POLE3: variants seen among roughly 807,000 people sequenced by gnomAD.
POLE3 encodes DNA polymerase epsilon 3, accessory subunit.
Under a neutral mutation model 16.1 loss-of-function variants are expected in POLE3, and 10 were observed. The ratio of observed to expected loss-of-function variants is 0.62; its 90% CI spans 0.38 to 1.05. The LOEUF is 1.05. POLE3 is among the 50% of genes least tolerant of loss of function. The pLI, the probability that POLE3 is intolerant of heterozygous loss-of-function variation, is 0.01. For missense variants in POLE3, 169 were observed against 185.0 expected (o/e 0.91, Z 0.50); for synonymous variants, 83 against 71.0 (o/e 1.17, Z -0.85).
intron 4 of POLE3, among the ~76,000 whole-genome samples, chr9:113,409,373 A>C (rs111463519): frequency 9.4e-4 from 142 of 150,302 alleles, no homozygotes; most frequent in East Asian, 3.9e-3. Flanking sequence ...AAAAAAAAAA[A>C]AAAAACAAAA....
In POLE3 at chr9:113,409,714, G is replaced by A; in HGVS notation, c.167C>T (p.Ala56Val). The A allele has an allele frequency of 4.3e-6, 7 of 1,609,516 alleles. No individual in the cohort carries two copies. Among genetic ancestry groups the A allele is most frequent in the Non-Finnish European group, 6.0e-6 (7 of 1,175,952 alleles). Residue 56 changes from alanine (A) to valine (V), a missense_variant, in exon 4 of 5, where the codon GCA becomes GTA. By Grantham distance (64) the Ala-to-Val change is moderately conservative (BLOSUM62 0). Transcript: ENST00000374171. ...CAGCGTCTTCCGCTTTCCTTTCATTGCAAAGTTGTTAGCACTGAGAGAAGA... is the reference window on the plus strand; with the variant it reads ...CAGCGTCTTCCGCTTTCCTTTCATTACAAAGTTGTTAGCACTGAGAGAAGA... ...LYATSCANNF[A>V]MKGKRKTLNA...
intron 1 of POLE3, 45 bp downstream of exon 1, chr9:113,410,572 C>A: frequency 3.7e-6 from 2 of 536,566 alleles, no homozygotes; most frequent in Non-Finnish European, 6.7e-6. Flanking sequence ...CTCCCCAGGT[C>A]CATTTCTCTG....
intron 3 of POLE3, 63 bp downstream of exon 3, chr9:113,409,992 C>T: frequency 1.5e-6 from 2 of 1,366,842 alleles, no homozygotes; most frequent in Non-Finnish European, 2.0e-6. Flanking sequence ...GGTTTGTAGG[C>T]TCCCAGCCAG....
rs1229759991 is a variant in POLE3, at chr9:113,407,773, G to T, written c.*1038C>A. The T allele has an allele frequency of 6.6e-6, 1 of 152,608 alleles. No individual in the cohort carries two copies. Among genetic ancestry groups the T allele is most frequent in the Non-Finnish European group, 1.5e-5 (1 of 68,052 alleles). The allele number at this position is 152,608 out of a possible 1,614,324, so 9.5% of individuals were successfully genotyped here. A position where few individuals can be genotyped will look rare whatever the true frequency, so the allele number is the denominator to read the frequency against. On this transcript the variant is annotated 3_prime_UTR_variant, in exon 5 of 5. Coordinates refer to ENST00000374171, the MANE Select transcript of POLE3 (RefSeq NM_017443.5). ...AGAGATCAGAGGAACTCACACTTTG[G>T]AGTATTAAGCAGGTTATCAAAGCTT... is the stretch of plus-strand genomic sequence containing the variant.
chr9:113,410,334 A>G lies in POLE3; in HGVS notation c.-41T>C. 1.3e-6 allele frequency: 2 copies of G among 1,586,384 alleles called. No individual in the cohort carries two copies. Among genetic ancestry groups the G allele is most frequent in the Non-Finnish European group, 1.7e-6 (2 of 1,160,988 alleles). ...TTAAACTCCCCTTCGCCTCCGCTTC[A>G]GGGAGCTACTGCGTCCGGACTTCCC... On this transcript the variant is annotated 5_prime_UTR_variant, in exon 2 of 5. Coordinates refer to ENST00000374171, the MANE Select transcript of POLE3 (RefSeq NM_017443.5).
rs944657678 is a variant in POLE3 at position 113,409,783 on chromosome 9, A to G, written c.153-55T>C. On this transcript the variant is annotated intron_variant, in intron 3 of 4. Coordinates refer to ENST00000374171, the MANE Select transcript of POLE3 (RefSeq NM_017443.5). ...CTCTTGTTTGTAAGGCGTGAGTGGGAAAAGGAGCACCCAGAGGTGGAACGG... is the reference window on the plus strand; with the variant it reads ...CTCTTGTTTGTAAGGCGTGAGTGGGGAAAGGAGCACCCAGAGGTGGAACGG... The G allele has an allele frequency of 3.3e-5, 39 of 1,183,140 alleles. No individual in the cohort carries two copies. In the Admixed American group the frequency reaches 6.4e-4, roughly 20 times the overall value. The allele number at this position is 1,183,140 out of a possible 1,614,324, so 73.3% of individuals were successfully genotyped here.
At chr9:113,409,963 G>A (rs773502015) in intron 3 of POLE3, 92 bp downstream of exon 3, 2 of 1,039,424 alleles carry the variant, frequency 1.9e-6, no homozygotes, top group African/African-American at 1.6e-5. Context: ...TCCCCACCGA[G>A]GGAGAACACA....
intron 4 of POLE3, among the ~76,000 whole-genome samples, chr9:113,409,359 CAAAAAAAAA>C (rs35481754): frequency 1.1e-5 from 1 of 89,504 alleles, no homozygotes; most frequent in Admixed American, 1.3e-4. Flanking sequence ...GACTCCGTCT[CAAAAAAAAA>C]AAAAAAAAAA....
chr9:113,410,219 G>A lies in POLE3; in HGVS notation c.66+9C>T, dbSNP rs376377693. The A allele has an allele frequency of 6.8e-4, 1,092 of 1,613,412 alleles. 11 individuals carry two copies. The South Asian group carries it at 8.9e-3, about 13-fold the overall frequency. ...CTGCCCGTTCGTCCGCCCCCCCCGAGCTGCTCACCGCCTCCTTGATGATCC... is the reference window on the plus strand; with the variant it reads ...CTGCCCGTTCGTCCGCCCCCCCCGAACTGCTCACCGCCTCCTTGATGATCC... On this transcript the variant is annotated intron_variant, in intron 2 of 4. Transcript: ENST00000374171.
At chr9:113,410,581 T>C (rs1828087605) in intron 1 of POLE3, 36 bp downstream of exon 1, 6 of 511,794 alleles carry the variant, frequency 1.2e-5, no homozygotes, top group Admixed American at 9.8e-5. Flanking sequence ...TCCATTTCTC[T>C]GCTTCTCGCC....
In POLE3 at chr9:113,410,598, G is replaced by A. The variant is rs993300801; in HGVS notation, c.-116+19C>T. ...CATTTCTCTGCTTCTCGCCATCGCCGCGTCGGGAACCTTCTCACCAACTTA... is the reference window on the plus strand; with the variant it reads ...CATTTCTCTGCTTCTCGCCATCGCCACGTCGGGAACCTTCTCACCAACTTA... On this transcript the variant is annotated intron_variant, in intron 1 of 4. Coordinates refer to ENST00000374171, the MANE Select transcript of POLE3 (RefSeq NM_017443.5). The A allele has an allele frequency of 1.4e-5, 7 of 486,806 alleles. No homozygotes were observed. Among genetic ancestry groups the A allele is most frequent in the Non-Finnish European group, 2.6e-5 (7 of 267,826 alleles). The allele number at this position is 486,806 out of a possible 1,614,324, so 30.2% of individuals were successfully genotyped here.
rs541727542 is a variant in POLE3 at position 113,410,047 on chromosome 9, C to T, written c.152+8G>A. 1.9e-6 allele frequency: 3 copies of T among 1,554,022 alleles called. No homozygotes were observed. The highest frequency in any genetic ancestry group is 2.7e-5 in the African/African-American group (2 of 73,784). On this transcript the variant is annotated splice_region_variant and intron_variant, in intron 3 of 4. Coordinates refer to ENST00000374171, the MANE Select transcript of POLE3 (RefSeq NM_017443.5). ...CCCGCGCCTCCCTTATGCCTCTGTC[C>T]CGCTCACCAGGATGTGGCGTACAGC...
At position 113,408,924 on chromosome 9, in the gene POLE3, C is replaced by G; in HGVS notation, c.331G>C (p.Asp111His). Reference protein sequence around the residue: ...EASEQKKKDKDKKTDSEEQDK... With the variant: ...EASEQKKKDKHKKTDSEEQDK... The stretch of plus-strand genomic sequence containing the variant: ...TGCTCTTCCGAGTCTGTTTTTTTGT[C>G]TTTGTCCTTCTTCTTTTGCTCTGAG... The change falls in exon 5 of 5, where the codon GAC becomes CAC. Residue 111 changes from aspartate to histidine, a missense_variant. Transcript: ENST00000374171. The G allele has an allele frequency of 6.2e-7, 1 of 1,613,378 alleles. No individual in the cohort carries two copies. The highest frequency in any genetic ancestry group is 8.5e-7 in the Non-Finnish European group (1 of 1,179,696).
In POLE3 at chr9:113,408,816, T is replaced by A; in HGVS notation, c.439A>T (p.Asn147Tyr). 4 of 1,613,146 alleles carry A rather than the reference T, an allele frequency of 2.5e-6. No homozygotes were observed. Among genetic ancestry groups the A allele is most frequent in the Non-Finnish European group, 3.4e-6 (4 of 1,179,356 alleles). The change falls in exon 5 of 5, where the codon AAC becomes TAC. Residue 147 changes from asparagine to tyrosine, a missense_variant. Transcript: ENST00000374171. ...GCCACAGTCTCCCGCCCTTTTCAGTTGTCTACTTCTTCCTCTTCATTCTGT... is the reference window on the plus strand; with the variant it reads ...GCCACAGTCTCCCGCCCTTTTCAGTAGTCTACTTCTTCCTCTTCATTCTGT... ...EEQNEEEEVDN is the reference protein window; with the variant it reads ...EEQNEEEEVDY
At position 113,410,510 on chromosome 9, in the gene POLE3, T is replaced by C. The variant is rs2119039964; in HGVS notation, c.-115-102A>G. On this transcript the variant is annotated intron_variant, in intron 1 of 4. Coordinates refer to ENST00000374171, the MANE Select transcript of POLE3 (RefSeq NM_017443.5). Reference sequence around the variant, plus strand: ...GCGCATCCGGATTTTGAAGCCGCAGTGGTTTTGGCCCGCCAAGGCTTCCAT... The same window carrying C: ...GCGCATCCGGATTTTGAAGCCGCAGCGGTTTTGGCCCGCCAAGGCTTCCAT... 5.0e-6 allele frequency: 3 copies of C among 603,328 alleles called. No individual in the cohort carries two copies. The South Asian group carries it at 5.9e-5, about 12-fold the overall frequency. 37.4% of individuals were successfully genotyped at this position (603,328 alleles called of 1,614,324 possible).
chr9:113,410,517 G>A (rs543087529), intron 1 of POLE3, 100 bp downstream of exon 1: 3 of 597,784 alleles, frequency 5.0e-6, no homozygotes, highest in Admixed American at 2.9e-5. Context: ...CAGTGGTTTT[G>A]GCCCGCCAAG....
Position 113,410,398 on chromosome 9 carries a change from C to T in POLE3, c.-105G>A. The T allele has an allele frequency of 1.9e-6, 2 of 1,038,054 alleles. No homozygotes were observed. Among genetic ancestry groups the T allele is most frequent in the Admixed American group, 2.0e-5 (1 of 50,394 alleles). 64.3% of individuals were successfully genotyped at this position (1,038,054 alleles called of 1,614,324 possible). On this transcript the variant is annotated 5_prime_UTR_variant, in exon 2 of 5. Coordinates refer to ENST00000374171, the MANE Select transcript of POLE3 (RefSeq NM_017443.5). ...CTGACCCTGCGAGGTTTCCGTTCCG[C>T]CCCACGTGGCCTACAGTGTCCCACA...
In POLE3 at chr9:113,408,753, A is replaced by C; in HGVS notation, c.*58T>G. 1 of 1,398,600 alleles carries C rather than the reference A, an allele frequency of 7.2e-7. No individual in the cohort carries two copies. The highest frequency in any genetic ancestry group is 1.0e-6 in the Non-Finnish European group (1 of 994,374). The allele number at this position is 1,398,600 out of a possible 1,614,324, so 86.6% of individuals were successfully genotyped here. On this transcript the variant is annotated 3_prime_UTR_variant, in exon 5 of 5. Transcript: ENST00000374171. ...CAGCATGGAAAAGCTTCACAGAAAC[A>C]CGTAGCACGTCTCATTTCAAGTGGT...
rs776313444 is a variant in POLE3 at position 113,408,921 on chromosome 9, T to C, written c.334A>G (p.Lys112Glu). Residue 112 changes from lysine (K) to glutamate (E), a missense_variant, in exon 5 of 5, where the codon AAA becomes GAA. By Grantham distance (56) the Lys-to-Glu change is moderately conservative. Transcript: ENST00000374171. ...ASEQKKKDKD[K>E]KTDSEEQDKS... ...TCTTGCTCTTCCGAGTCTGTTTTTT[T>C]GTCTTTGTCCTTCTTCTTTTGCTCT... 5.0e-6 allele frequency: 8 copies of C among 1,613,510 alleles called. No individual in the cohort carries two copies. In the Middle Eastern group the frequency reaches 4.9e-4, roughly 99 times the overall value.
Sources: gnomAD v4.1 joint callset for allele counts (sites outside exome capture counted in the v4.1 genomes callset) on GRCh38, gnomAD v4.1.1 for gene constraint, MANE v1.5 for transcripts, NCBI Gene and HGNC (gene_info 2026-07-23, HGNC 2026-07-21) for gene names.